The following PRH1 variants were observed in gnomAD, a reference collection of about 807,000 sequenced individuals.
PRH1 encodes proline rich protein HaeIII subfamily 1.
Under a neutral mutation model 7.9 loss-of-function variants are expected in PRH1, and 7 were observed. The ratio of observed to expected loss-of-function variants is 0.89; its 90% CI spans 0.50 to 1.67. PRH1 has a LOEUF of 1.67. PRH1 is among the 40% of genes most tolerant of loss of function. The pLI is 0.00. For missense variants in PRH1, 109 were observed against 223.6 expected (o/e 0.49, Z 3.27); for synonymous variants, 45 against 80.8 (o/e 0.56, Z 2.38).
At chr12:11,135,764 A>C (rs1310764286) in intron 1 of PRH1, among the ~76,000 whole-genome samples, 4 of 152,156 alleles carry the variant, frequency 2.6e-5, no homozygotes, top group Non-Finnish European at 5.9e-5. Flanking sequence ...CTGGGGTGGC[A>C]AATAAAATCA....
intron 1 of PRH1, among the ~76,000 whole-genome samples, chr12:11,163,246 C>T (rs1048828475): frequency 2.0e-5 from 3 of 152,022 alleles, no homozygotes; most frequent in African/African-American, 7.2e-5. Context: ...GAGCATATGA[C>T]AGGAAAGAAG....
intron 2 of PRH1, among the ~76,000 whole-genome samples, chr12:10,963,420 TCTATA>T (rs1357772607): frequency 6.6e-6 from 1 of 152,236 alleles, no homozygotes; most frequent in Admixed American, 6.5e-5. Context: ...TTTCATAATT[TCTATA>T]CTATTTTTAC....
intron 1 of PRH1, among the ~76,000 whole-genome samples, chr12:10,980,033 A>C (rs960654528): frequency 5.9e-5 from 9 of 152,200 alleles, no homozygotes; most frequent in Non-Finnish European, 1.2e-4. Flanking sequence ...TCTGGAGACC[A>C]GGGTTGGGTT....
At chr12:11,052,507 T>C (rs1943189161) in intron 1 of PRH1, among the ~76,000 whole-genome samples, 1 of 152,180 alleles carries the variant, frequency 6.6e-6, no homozygotes, top group Admixed American at 6.5e-5. Flanking sequence ...TTATCATGCC[T>C]GAAGTTTGTG....
In PRH1 at chr12:11,111,520, A is replaced by G. The variant is rs150435929; in HGVS notation, n.123+59902T>C. Among the ~76,000 whole-genome samples, 521 of 152,346 alleles carry G rather than the reference A, an allele frequency of 3.4e-3. 4 individuals carry two copies. The highest frequency in any genetic ancestry group is 0.012 in the African/African-American group (489 of 41,578). On this transcript the variant is annotated intron_variant and non_coding_transcript_variant, in intron 1 of 4. Coordinates refer to the PRH1 transcript ENST00000541977. Reference sequence around the variant, plus strand: ...AACTCACTCAGAACTGCACAACTACATGGAAACTGAACAACTTGCTCTTGA... The same window carrying G: ...AACTCACTCAGAACTGCACAACTACGTGGAAACTGAACAACTTGCTCTTGA...
chr12:11,102,590 T>G (rs1459352097), intron 1 of PRH1, among the ~76,000 whole-genome samples: 1 of 152,152 alleles, frequency 6.6e-6, no homozygotes, highest in Non-Finnish European at 1.5e-5. Context: ...ATAAAAACCC[T>G]AGAAGTAAAC....
chr12:11,148,211 T>C (rs2136416733), intron 1 of PRH1, among the ~76,000 whole-genome samples: 1 of 149,078 alleles, frequency 6.7e-6, no homozygotes, highest in South Asian at 2.1e-4. Flanking sequence ...ATTTTCTAGA[T>C]ATACAATCAT....
chr12:11,033,122 C>T (rs542794072), intron 1 of PRH1, among the ~76,000 whole-genome samples: 10 of 152,152 alleles, frequency 6.6e-5, no homozygotes, highest in Admixed American at 5.2e-4. Flanking sequence ...CCAGGCCCAG[C>T]GCAGGCGAGG....
chr12:11,031,439 G>C, intron 1 of PRH1: 1 of 1,319,056 alleles, frequency 7.6e-7, no homozygotes, highest in Non-Finnish European at 1.0e-6. Flanking sequence ...TGGAGCCACC[G>C]ACCTTCACGG....
chr12:10,944,725 A>G (rs1396267779), intron 2 of PRH1, among the ~76,000 whole-genome samples: 2 of 152,068 alleles, frequency 1.3e-5, no homozygotes, highest in Non-Finnish European at 2.9e-5. Context: ...TATTTTTAGT[A>G]TGTTCCTTCA....
intron 2 of PRH1, among the ~76,000 whole-genome samples, chr12:10,968,257 TTAAAC>T (rs1471574576): frequency 4.6e-5 from 7 of 152,234 alleles, no homozygotes; most frequent in Non-Finnish European, 1.0e-4. Context: ...GCAATGTATT[TTAAAC>T]TAAACTAAAC....
intron 1 of PRH1, chr12:10,986,824 T>C (rs987357549): frequency 3.9e-6 from 6 of 1,555,780 alleles, no homozygotes; most frequent in Non-Finnish European, 4.3e-6. Flanking sequence ...AAAACCATTA[T>C]TAGAATTGAA....
intron 1 of PRH1, chr12:11,046,963 C>T: frequency 2.1e-6 from 1 of 465,360 alleles, no homozygotes; most frequent in Admixed American, 2.3e-5. Context: ...AAAGGGAGCA[C>T]ATTTCTGAAT....
chr12:10,954,337 A>C (rs760671378), intron 2 of PRH1, among the ~76,000 whole-genome samples: 1 of 152,222 alleles, frequency 6.6e-6, no homozygotes, highest in African/African-American at 2.4e-5. Flanking sequence ...AAGAAGCAAG[A>C]CGCAATGGTA....
intron 2 of PRH1, chr12:10,896,854 G>A (rs552480000): frequency 6.6e-6 from 1 of 151,810 alleles, no homozygotes. Flanking sequence ...AGGAGTCTGT[G>A]TACTCTGTCC....
chr12:10,976,688 AAGAG>A (rs931016838), intron 1 of PRH1, among the ~76,000 whole-genome samples: 2 of 152,106 alleles, frequency 1.3e-5, no homozygotes, highest in African/African-American at 4.8e-5. Context: ...ATAAAGAAAA[AAGAG>A]AGAATATACA....
chr12:11,077,689 A>G (rs1299678455), intron 1 of PRH1: 2 of 1,106,660 alleles, frequency 1.8e-6, no homozygotes, highest in African/African-American at 2.1e-5. Context: ...GAAGGGTATG[A>G]GGTTTGCTAG....
At chr12:11,133,583 G>C in intron 1 of PRH1, 1 of 1,614,254 alleles carries the variant, frequency 6.2e-7, no homozygotes, top group Non-Finnish European at 8.5e-7. Flanking sequence ...GTGGACCTTG[G>C]TGCTGGGATC....
At chr12:11,069,709 C>T (rs1188761915) in intron 1 of PRH1, among the ~76,000 whole-genome samples, 17 of 152,196 alleles carry the variant, frequency 1.1e-4, no homozygotes, top group African/African-American at 3.9e-4. Context: ...AGGCTTCACA[C>T]TTTGATAAAT....
Sources: allele counts gnomAD v4.1 joint callset (sites outside exome capture counted in the v4.1 genomes callset), GRCh38; gene constraint gnomAD v4.1.1; transcripts MANE v1.5; gene names NCBI Gene and HGNC (gene_info 2026-07-23, HGNC 2026-07-21).